The following PTPRQ variants were observed in gnomAD, a reference collection of about 807,000 sequenced individuals.
PTPRQ encodes the protein phosphatidylinositol phosphatase PTPRQ.
In PTPRQ, 199 loss-of-function variants were observed where a neutral mutation model predicts 246.0. The ratio of observed to expected loss-of-function variants is 0.81; its 90% CI spans 0.72 to 0.91. PTPRQ has a LOEUF of 0.91. PTPRQ is among the 40% of genes least tolerant of loss of function. The probability of loss-of-function intolerance (pLI) is 0.00; values close to 1 mark genes in which losing one functional copy is unlikely to be tolerated. For missense variants in PTPRQ, 2,624 were observed against 2,528.4 expected (o/e 1.04, Z -0.81); for synonymous variants, 869 against 853.2 (o/e 1.02, Z -0.32).
In PTPRQ at chr12:80,506,055, C is replaced by A; in HGVS notation, c.2304C>A (p.Tyr768Ter). Residue 768 changes from tyrosine to a stop codon, truncating the protein, a stop_gained, in exon 15 of 45, where the codon TAC (tyrosine) becomes TAA (stop). Transcript: ENST00000644991. LOFTEE classifies it high-confidence loss of function. ...ATAGTGCACCAGAAAATATCACTTA[C>A]AAAAATATTTCTTCTGGAGAGATTG... Reference protein sequence around the residue: ...VPDSAPENITYKNISSGEIEL... With the variant: ...VPDSAPENIT 1 of 1,546,538 alleles carries A rather than the reference C, an allele frequency of 6.5e-7. No homozygotes were observed. The highest frequency in any genetic ancestry group is 8.7e-7 in the Non-Finnish European group (1 of 1,144,724).
At chr12:80,648,717 T>C (rs545695728) in intron 35 of PTPRQ, among the ~76,000 whole-genome samples, 180 bp from the exon 36 acceptor site, 2 of 152,180 alleles carry the variant, frequency 1.3e-5, no homozygotes, top group South Asian at 4.1e-4. Flanking sequence ...CATGTTTGAG[T>C]CCAAATAATG....
chr12:80,627,692 C>A (rs7968327), intron 33 of PTPRQ, among the ~76,000 whole-genome samples: 52,572 of 151,812 alleles, frequency 0.35, 9,653 homozygotes, highest in African/African-American at 0.46. Flanking sequence ...TGTAAACAGA[C>A]CAATTTAATG....
chr12:80,621,494 T>A (rs557303814), intron 32 of PTPRQ, among the ~76,000 whole-genome samples: 1 of 152,000 alleles, frequency 6.6e-6, no homozygotes, highest in Admixed American at 6.6e-5. Context: ...GATCTTAGAT[T>A]CTTTTTGTAA....
chr12:80,637,845 C>G (rs374449418), intron 35 of PTPRQ, among the ~76,000 whole-genome samples: 25 of 152,270 alleles, frequency 1.6e-4, no homozygotes, highest in African/African-American at 6.0e-4. Context: ...CAAAGTCAAT[C>G]AGAGACTGAT....
chr12:80,669,091 A>G lies in PTPRQ; in HGVS notation c.6277A>G (p.Thr2093Ala). 6.4e-7 allele frequency: 1 copy of G among 1,550,660 alleles called. No individual in the cohort carries two copies. The highest frequency in any genetic ancestry group is 1.2e-5 in the South Asian group (1 of 83,962). ...AGATTTTTGGAGAATGGTGTGGGAA[A>G]CCAGAGCAAAAACATTAGTAATGCT... ...VGDFWRMVWE[T>A]RAKTLVMLTQ... The change falls in exon 40 of 45, where the codon ACC becomes GCC. Residue 2093 changes from threonine (T) to alanine (A), a missense_variant. Physicochemically the swap from Thr to Ala is moderately conservative, Grantham distance 58. Transcript: ENST00000644991.
chr12:80,628,079 A>G (rs1237034973), intron 33 of PTPRQ, among the ~76,000 whole-genome samples: 1 of 152,110 alleles, frequency 6.6e-6, no homozygotes, highest in Non-Finnish European at 1.5e-5. Flanking sequence ...TCTAAGGCCC[A>G]GTGATTCATT....
intron 3 of PTPRQ, among the ~76,000 whole-genome samples, chr12:80,448,527 C>A (rs1023770334): frequency 3.3e-4 from 50 of 151,750 alleles, no homozygotes; most frequent in African/African-American, 1.2e-3. Context: ...CTCCCCACTC[C>A]CCCCACCCCA....
chr12:80,575,505 C>T (rs999866612), intron 25 of PTPRQ, among the ~76,000 whole-genome samples: 7 of 151,888 alleles, frequency 4.6e-5, no homozygotes, highest in African/African-American at 1.7e-4. Context: ...TTGCTTAAGC[C>T]CAGATGTTTA....
At chr12:80,485,341 G>A (rs751011581) in intron 9 of PTPRQ, among the ~76,000 whole-genome samples, 18 of 152,004 alleles carry the variant, frequency 1.2e-4, no homozygotes, top group Non-Finnish European at 2.5e-4. Flanking sequence ...GCTGCTCCCC[G>A]GGGCATTCAA....
At chr12:80,605,321 C>CA (rs1898276185) in intron 27 of PTPRQ, 141 bp downstream of exon 27, 1 of 1,093,174 alleles carries the variant, frequency 9.1e-7, no homozygotes, top group South Asian at 1.8e-5. Flanking sequence ...TCAATGTCTA[C>CA]ATCTGTAAAG....
chr12:80,633,657 T>G (rs1164034659), intron 34 of PTPRQ, among the ~76,000 whole-genome samples: 1 of 152,264 alleles, frequency 6.6e-6, no homozygotes, highest in South Asian at 2.1e-4. Context: ...TTTTAATAGA[T>G]AATTTGAAAG....
intron 33 of PTPRQ, among the ~76,000 whole-genome samples, chr12:80,625,181 T>A (rs1040797598): frequency 1.3e-5 from 2 of 152,154 alleles, no homozygotes; most frequent in Non-Finnish European, 2.9e-5. Context: ...ATTCATATAA[T>A]ACCCCTGGTG....
chr12:80,649,149 G>A (rs999108210), intron 36 of PTPRQ, among the ~76,000 whole-genome samples: 2 of 151,992 alleles, frequency 1.3e-5, no homozygotes, highest in East Asian at 1.9e-4. Context: ...GAAGTAATAC[G>A]GGGATATTTA....
intron 25 of PTPRQ, among the ~76,000 whole-genome samples, chr12:80,563,699 A>G (rs1022299930): frequency 3.9e-5 from 6 of 152,078 alleles, no homozygotes; most frequent in African/African-American, 1.2e-4. Flanking sequence ...TTGGCTCCCT[A>G]CTAAGTCTCC....
chr12:80,564,909 A>G (rs1896933091), intron 25 of PTPRQ, among the ~76,000 whole-genome samples: 1 of 152,212 alleles, frequency 6.6e-6, no homozygotes, highest in African/African-American at 2.4e-5. Flanking sequence ...CTTTCATTAT[A>G]AAACTTTCTT....
At chr12:80,654,857 C>G (rs1354649222) in intron 38 of PTPRQ, among the ~76,000 whole-genome samples, 1 of 151,504 alleles carries the variant, frequency 6.6e-6, no homozygotes, top group Non-Finnish European at 1.5e-5. Flanking sequence ...GAGACTCTAT[C>G]TCAAAAAATA....
chr12:80,479,348 G>T (rs1893944492), intron 8 of PTPRQ, among the ~76,000 whole-genome samples: 1 of 151,336 alleles, frequency 6.6e-6, no homozygotes, highest in African/African-American at 2.4e-5. Context: ...TCACCACCAG[G>T]CCTGCTCTAA....
chr12:80,471,797 TG>T (rs1199716091), intron 7 of PTPRQ, among the ~76,000 whole-genome samples: 3 of 152,076 alleles, frequency 2.0e-5, no homozygotes, highest in South Asian at 4.1e-4. Flanking sequence ...CTTTTTGAAC[TG>T]ATAAAATTTG....
In PTPRQ at chr12:80,444,727, T is replaced by C. The variant is rs916634263; in HGVS notation, c.55-14T>C. 3 of 1,517,718 alleles carry C rather than the reference T, an allele frequency of 2.0e-6. No homozygotes were observed. The highest frequency in any genetic ancestry group is 1.8e-6 in the Non-Finnish European group (2 of 1,119,562). The allele number at this position is 1,517,718 out of a possible 1,614,324, so 94.0% of individuals were successfully genotyped here. A position where few individuals can be genotyped will look rare whatever the true frequency, so the allele number is the denominator to read the frequency against. On this transcript the variant is annotated splice_polypyrimidine_tract_variant and intron_variant, in intron 1 of 44. Transcript: ENST00000644991. ...AAAGAATTTTAATGCAACTATTTGT[T>C]TGTGGTGTTCTAGGTTGATGTTTCC...
Sources: allele counts gnomAD v4.1 joint callset (sites outside exome capture counted in the v4.1 genomes callset), GRCh38; gene constraint gnomAD v4.1.1; transcripts MANE v1.5; gene names NCBI Gene and HGNC (gene_info 2026-07-23, HGNC 2026-07-21).